PDE4A: variants seen among roughly 807,000 people sequenced by gnomAD.
PDE4A encodes phosphodiesterase 4A.
Under a neutral mutation model 73.9 loss-of-function variants are expected in PDE4A, and 21 were observed. That is an observed-to-expected ratio of 0.28 (90% CI 0.20 to 0.41). PDE4A has a LOEUF of 0.41. Among genes scored for constraint, PDE4A ranks in the 10% least tolerant of loss-of-function variants. The pLI is 1.00. For missense variants in PDE4A, 958 were observed against 1,211.4 expected (o/e 0.79, Z 3.10); for synonymous variants, 463 against 505.4 (o/e 0.92, Z 1.13).
intron 1 of PDE4A, chr19:10,432,396 C>T: frequency 7.4e-7 from 1 of 1,360,474 alleles, no homozygotes; most frequent in South Asian, 1.9e-5. Context: ...CGCCCTGCCG[C>T]CGTCCCCATG....
intron 1 of PDE4A, among the ~76,000 whole-genome samples, chr19:10,438,965 A>C (rs2042901210): frequency 6.6e-6 from 1 of 152,156 alleles, no homozygotes; most frequent in South Asian, 2.1e-4. Context: ...TATTCCATTC[A>C]ATGGATATAA....
In PDE4A at chr19:10,459,485, A is replaced by T; in HGVS notation, c.1187A>T (p.Tyr396Phe). The change falls in exon 9 of 15, where the codon TAC (tyrosine) becomes TTC (phenylalanine). Residue 396 changes from tyrosine to phenylalanine, a missense_variant. Around this residue, in one of 3 missense-constraint regions of PDE4A, gnomAD observed 570 missense variants for 827.7 expected, o/e 0.69. Coordinates refer to ENST00000380702, the MANE Select transcript of PDE4A (RefSeq NM_001111307.2). ...AGGRSLTCIM[Y>F]MIFQERDLLK... ...GGCCGCTCACTCACCTGCATCATGTACATGATATTCCAGGTGATGGGGACA... is the reference window on the plus strand; with the variant it reads ...GGCCGCTCACTCACCTGCATCATGTTCATGATATTCCAGGTGATGGGGACA... 1.2e-6 allele frequency: 2 copies of T among 1,614,002 alleles called. No homozygotes were observed. Among genetic ancestry groups the T allele is most frequent in the Non-Finnish European group, 1.7e-6 (2 of 1,179,916 alleles).
At chr19:10,462,050 C>A in intron 13 of PDE4A, 51 bp downstream of exon 13, 1 of 1,510,048 alleles carries the variant, frequency 6.6e-7, no homozygotes, top group Non-Finnish European at 9.1e-7. Flanking sequence ...CCCAGCCACA[C>A]CTTTAGGTCT....
At chr19:10,431,140 A>T in intron 1 of PDE4A, 1 of 1,251,296 alleles carries the variant, frequency 8.0e-7, no homozygotes, top group South Asian at 1.6e-5. Context: ...CACCTGGCGC[A>T]CTCCAGGGTC....
chr19:10,422,957 G>A (rs2042669676), intron 1 of PDE4A, among the ~76,000 whole-genome samples: 1 of 152,056 alleles, frequency 6.6e-6, no homozygotes, highest in South Asian at 2.1e-4. Flanking sequence ...GGTCTCTGGG[G>A]CACTGAGTCT....
Position 10,468,013 on chromosome 19 carries a change from T to G in PDE4A, c.*392T>G. ...TCACCTTCCCCCACTGCCCCCCAAG[T>G]TCCAGGCTCAGTCTTCCAGCCGCCT... On this transcript the variant is annotated 3_prime_UTR_variant, in exon 15 of 15. Coordinates refer to ENST00000380702, the MANE Select transcript of PDE4A (RefSeq NM_001111307.2). The G allele has an allele frequency of 1.3e-5, 2 of 156,830 alleles. No individual in the cohort carries two copies. Among genetic ancestry groups the G allele is most frequent in the Non-Finnish European group, 2.8e-5 (2 of 71,014 alleles). 9.7% of individuals were successfully genotyped at this position (156,830 alleles called of 1,614,324 possible). A position where few individuals can be genotyped will look rare whatever the true frequency, so the allele number is the denominator to read the frequency against.
intron 7 of PDE4A, among the ~76,000 whole-genome samples, chr19:10,455,432 C>T (rs2043154898): frequency 6.7e-6 from 1 of 149,222 alleles, no homozygotes; most frequent in African/African-American, 2.5e-5. Context: ...CCATTGCACT[C>T]CAGCCTAGGC....
Position 10,453,340 on chromosome 19 carries a change from G to A in PDE4A, c.784-1489G>A. 1 of 1,611,246 alleles carries A rather than the reference G, an allele frequency of 6.2e-7. No individual in the cohort carries two copies. On this transcript the variant is annotated intron_variant, in intron 6 of 14. Coordinates refer to ENST00000380702, the MANE Select transcript of PDE4A (RefSeq NM_001111307.2). The surrounding 1 kb of genome is among the most constrained non-coding windows in gnomAD (Gnocchi z 4.6). The stretch of plus-strand genomic sequence containing the variant: ...GGCTGGTGGGACCAGGTAGGAGAGT[G>A]CAGGGTAGGGGGTGGGCGGGCATCC...
chr19:10,452,940 G>A (rs1272874009), intron 6 of PDE4A: 7 of 1,074,500 alleles, frequency 6.5e-6, no homozygotes, highest in Middle Eastern at 4.2e-4. Context: ...GCACACACAC[G>A]GGTGCACACA....
At chr19:10,427,468 C>A in intron 1 of PDE4A, 1 of 984,478 alleles carries the variant, frequency 1.0e-6, no homozygotes, top group Non-Finnish European at 1.2e-6. Context: ...AAGGAGGGAG[C>A]GAGGTGACAG....
At chr19:10,463,667 C>G in intron 13 of PDE4A, 126 bp from the exon 14 acceptor site, 1 of 1,501,532 alleles carries the variant, frequency 6.7e-7, no homozygotes, top group Admixed American at 2.1e-5. Context: ...TCCCAAAGTA[C>G]TGGAATTACA....
rs1354748987 is a variant in PDE4A, at chr19:10,454,832, A to G, written c.787A>G (p.Lys263Glu). 1.2e-6 allele frequency: 2 copies of G among 1,613,954 alleles called. No homozygotes were observed. The highest frequency in any genetic ancestry group is 1.3e-5 in the African/African-American group (1 of 74,932). The part of the protein sequence containing the change: ...SVSEMASHKF[K>E]RMLNRELTHL... The stretch of plus-strand genomic sequence containing the variant: ...CTTGTTGACTCCTTTACCTTAGTTC[A>G]AAAGGATGTTGAACCGTGAGCTCAC... Residue 263 changes from lysine to glutamate, a missense_variant, in exon 7 of 15, where the codon AAA (lysine) becomes GAA (glutamate). This residue lies in a region of PDE4A where 570 missense variants were observed against 827.7 expected (regional missense o/e 0.69). Coordinates refer to ENST00000380702, the MANE Select transcript of PDE4A (RefSeq NM_001111307.2).
chr19:10,422,461 T>C (rs2042663572), intron 1 of PDE4A, among the ~76,000 whole-genome samples: 1 of 152,144 alleles, frequency 6.6e-6, no homozygotes, highest in Non-Finnish European at 1.5e-5. Context: ...CAGGGTCTGA[T>C]TGCTTGTGCT....
chr19:10,466,849 C>G, intron 14 of PDE4A, 38 bp from the exon 15 acceptor site: 3 of 1,593,032 alleles, frequency 1.9e-6, no homozygotes, highest in Non-Finnish European at 2.6e-6. Flanking sequence ...TCATCCACCC[C>G]ATAGGCCGCC....
intron 7 of PDE4A, among the ~76,000 whole-genome samples, chr19:10,455,347 C>T (rs2043153632): frequency 1.3e-5 from 2 of 151,434 alleles, no homozygotes; most frequent in African/African-American, 2.4e-5. Flanking sequence ...GCCTGTAATC[C>T]CAGCAACTCA....
At chr19:10,418,975 G>A, upstream of PDE4A, 2 of 984,966 alleles carry the variant, frequency 2.0e-6, no homozygotes, top group Middle Eastern at 5.2e-4. Flanking sequence ...TGGGGGGGCC[G>A]GTTTTTGCTC....
chr19:10,469,201 C>T lies in PDE4A; in HGVS notation c.*1580C>T, dbSNP rs537348323. ...TTCTTTTCTTTCTTTCTTTTTTGTA[C>T]ATACTGTAAGGTTGGTTTGTAAATT... On this transcript the variant is annotated 3_prime_UTR_variant, in exon 15 of 15. Transcript: ENST00000380702. 6.6e-6 allele frequency: 1 copy of T among 151,852 alleles called. No homozygotes were observed. The highest frequency in any genetic ancestry group is 6.6e-5 in the Admixed American group (1 of 15,222). 9.4% of individuals were successfully genotyped at this position (151,852 alleles called of 1,614,324 possible). A position where few individuals can be genotyped will look rare whatever the true frequency, so the allele number is the denominator to read the frequency against.
In PDE4A at chr19:10,453,102, G is replaced by A. The variant is rs2043118458; in HGVS notation, c.784-1727G>A. On this transcript the variant is annotated intron_variant, in intron 6 of 14. Transcript: ENST00000380702. This position sits in a 1 kb window ranked among gnomAD's most constrained non-coding sequence, Gnocchi z 4.6. ...CAGGGCTGCTGCTGGGAGCGCGGAGGGGAAGGGAGCCCCCAGCCCTGCTGG... is the reference window on the plus strand; with the variant it reads ...CAGGGCTGCTGCTGGGAGCGCGGAGAGGAAGGGAGCCCCCAGCCCTGCTGG... 1.5e-6 allele frequency: 2 copies of A among 1,354,358 alleles called. No individual in the cohort carries two copies. Among genetic ancestry groups the A allele is most frequent in the East Asian group, 3.0e-5 (1 of 33,162 alleles). The allele number at this position is 1,354,358 out of a possible 1,614,324, so 83.9% of individuals were successfully genotyped here.
chr19:10,420,710 G>T lies in PDE4A; in HGVS notation c.-55G>T, dbSNP rs189645479. On this transcript the variant is annotated 5_prime_UTR_variant, in exon 1 of 15. Transcript: ENST00000380702. The surrounding 1 kb of genome is among the most constrained non-coding windows in gnomAD (Gnocchi z 6.0). Reference sequence around the variant, plus strand: ...CTCGCTGGCTTGCGCGCAGCTGAGCGGGGTGTAGGTTGGAAGGGCCAGGGC... The same window carrying T: ...CTCGCTGGCTTGCGCGCAGCTGAGCTGGGTGTAGGTTGGAAGGGCCAGGGC... 5,646 of 1,419,316 alleles carry T rather than the reference G, an allele frequency of 4.0e-3. 190 individuals carry two copies. The African/African-American group carries it at 0.074, about 19-fold the overall frequency. 87.9% of individuals were successfully genotyped at this position (1,419,316 alleles called of 1,614,324 possible).
Sources: allele counts gnomAD v4.1 joint callset (sites outside exome capture counted in the v4.1 genomes callset), GRCh38; gene constraint gnomAD v4.1.1; regional missense constraint gnomAD v4.1.1; non-coding constraint Gnocchi (gnomAD v3.1); transcripts MANE v1.5; gene names NCBI Gene and HGNC (gene_info 2026-07-23, HGNC 2026-07-21).